Variants in MORN5 observed in about 807,000 individuals in gnomAD.
MORN5 encodes MORN repeat-containing protein 5.
Under a neutral mutation model 22.1 loss-of-function variants are expected in MORN5, and 21 were observed. The ratio of observed to expected loss-of-function variants is 0.95; its 90% confidence interval spans 0.67 to 1.37. MORN5 has a LOEUF of 1.37. Among genes scored for constraint, MORN5 ranks in the 40% most tolerant of loss-of-function variants. The pLI, the probability that MORN5 is intolerant of heterozygous loss-of-function variation, is 0.00. For missense variants in MORN5, 211 were observed against 215.1 expected, an observed-to-expected ratio of 0.98 and a Z score of 0.12; for synonymous variants, 73 against 74.0, an observed-to-expected ratio of 0.99 and a Z score of 0.07.
rs1829977269 is a variant in MORN5 at position 122,199,885 on chromosome 9, A to T, written c.440A>T (p.Asp147Val). The change falls in exon 5 of 5, where the codon GAT becomes GTT. Residue 147 changes from aspartate to valine, a missense_variant and splice_region_variant. Physicochemically the swap from Asp to Val is radical, Grantham distance 152 (BLOSUM62 -3). Coordinates refer to ENST00000373764, the MANE Select transcript of MORN5 (RefSeq NM_198469.4). ...DYRNRFLRNA[D>V]DDEHEWITRT... ...ACCAGCTCTTCCTCTTTCCTTGCAG[A>T]TGATGACGAGCATGAGTGGATCACC... 2 of 1,613,822 alleles carry T rather than the reference A, an allele frequency of 1.2e-6. No individual in the cohort carries two copies. Among genetic ancestry groups the T allele is most frequent in the Admixed American group, 1.7e-5 (1 of 60,006 alleles).
At chr9:122,164,967 C>T (rs1423767406) in intron 1 of MORN5, among the ~76,000 whole-genome samples, 2 of 152,142 alleles carry the variant, frequency 1.3e-5, no homozygotes, top group Non-Finnish European at 2.9e-5. Context: ...GAAGCACCTG[C>T]TTAATGGTTC....
intron 4 of MORN5, chr9:122,175,578 G>T: frequency 2.3e-6 from 2 of 876,014 alleles, no homozygotes; most frequent in Non-Finnish European, 2.7e-6. Context: ...TCCAATGCAT[G>T]CACACACACA....
intron 4 of MORN5, 107 bp downstream of exon 4, chr9:122,174,734 C>A (rs1829422756): frequency 6.3e-7 from 1 of 1,599,394 alleles, no homozygotes. Flanking sequence ...GAAGCTTTTG[C>A]TGATAGAAGA....
intron 4 of MORN5, among the ~76,000 whole-genome samples, chr9:122,199,470 G>A (rs1224780692): frequency 2.0e-5 from 3 of 152,178 alleles, no homozygotes; most frequent in Non-Finnish European, 4.4e-5. Flanking sequence ...CAAGAATGGA[G>A]AGCCTAGAAA....
In MORN5 at chr9:122,169,719, G is replaced by A; in HGVS notation, c.270G>A (p.Arg90=). 1 of 1,614,092 alleles carries A rather than the reference G, an allele frequency of 6.2e-7. No individual in the cohort carries two copies. Among genetic ancestry groups the A allele is most frequent in the Non-Finnish European group, 8.5e-7 (1 of 1,179,960 alleles). The change falls in exon 3 of 5, where the codon AGG becomes AGA. Residue 90 remains arginine, a synonymous_variant. Transcript: ENST00000373764. ...NWHYCDGYDR[R]FYTEILNGLK... is the part of the protein sequence containing the mutation. Reference sequence around the variant, plus strand: ...ATTACTGCGACGGCTATGATCGGAGGTTTTACACAGAGATCCTCAATGGCT... The same window carrying A: ...ATTACTGCGACGGCTATGATCGGAGATTTTACACAGAGATCCTCAATGGCT...
At chr9:122,170,575 A>G (rs1046828785) in intron 3 of MORN5, among the ~76,000 whole-genome samples, 2 of 152,100 alleles carry the variant, frequency 1.3e-5, no homozygotes, top group African/African-American at 4.8e-5. Context: ...CTGTCTCCCT[A>G]ATGTCCAGAT....
chr9:122,167,017 C>A, intron 2 of MORN5, 102 bp downstream of exon 2: 1 of 1,118,402 alleles, frequency 8.9e-7, no homozygotes, highest in Non-Finnish European at 1.2e-6. Context: ...CCACCTTGTT[C>A]CATTCACTCT....
At chr9:122,182,152 G>T (rs745611978) in intron 4 of MORN5, among the ~76,000 whole-genome samples, 34 of 152,208 alleles carry the variant, frequency 2.2e-4, no homozygotes, top group Non-Finnish European at 3.7e-4. Flanking sequence ...CCATCCTGCT[G>T]TCTCTTCTGC....
At chr9:122,184,326 T>G (rs1330908032) in intron 4 of MORN5, among the ~76,000 whole-genome samples, 28 of 152,206 alleles carry the variant, frequency 1.8e-4, no homozygotes. Context: ...CCAGACATGA[T>G]GTTTATCTGC....
At position 122,159,989 on chromosome 9, in the gene MORN5, G is replaced by A. The variant is rs1487372757; in HGVS notation, c.17G>A (p.Ser6Asn). 3 of 1,614,100 alleles carry A rather than the reference G, an allele frequency of 1.9e-6. No homozygotes were observed. Among genetic ancestry groups the A allele is most frequent in the Non-Finnish European group, 1.7e-6 (2 of 1,180,006 alleles). The stretch of plus-strand genomic sequence containing the variant: ...ACAGGCGCCATGGAGTACACAGGGA[G>A]CAAATATATCGGGGAATATGTAGAT... MEYTGSKYIGEYVDGR... is the reference protein window; with the variant it reads MEYTGNKYIGEYVDGR... Residue 6 changes from serine (S) to asparagine (N), a missense_variant, in exon 1 of 5, where the codon AGC becomes AAC. Ser to Asn is a conservative substitution (Grantham distance 46). Transcript: ENST00000373764.
chr9:122,184,316 C>G (rs1032898349), intron 4 of MORN5, among the ~76,000 whole-genome samples: 3 of 152,078 alleles, frequency 2.0e-5, no homozygotes, highest in African/African-American at 7.2e-5. Context: ...TGAAAAGCTC[C>G]CAGACATGAT....
At chr9:122,170,755 C>G (rs1157111119) in intron 3 of MORN5, among the ~76,000 whole-genome samples, 1 of 152,162 alleles carries the variant, frequency 6.6e-6, no homozygotes, top group African/African-American at 2.4e-5. Context: ...TGGAGGGCTA[C>G]ATTTGGACTA....
At position 122,174,833 on chromosome 9, in the gene MORN5, T is replaced by C. The variant is rs7042699; in HGVS notation, c.439+206T>C. On this transcript the variant is annotated intron_variant, in intron 4 of 4. Transcript: ENST00000373764. ...GTCCTAGAGTGAGGTAAAAGCACAT[T>C]CGTGGTCTAGCAGTGACGGCACATA... 1.0e-2 allele frequency: 13,983 copies of C among 1,402,522 alleles called. 1,180 individuals are homozygous for C. The African/African-American group carries it at 0.18, about 18-fold the overall frequency. The allele number at this position is 1,402,522 out of a possible 1,614,324, so 86.9% of individuals were successfully genotyped here.
intron 1 of MORN5, among the ~76,000 whole-genome samples, chr9:122,161,345 A>G (rs898414172): frequency 2.6e-5 from 4 of 152,172 alleles, no homozygotes; most frequent in Non-Finnish European, 4.4e-5. Context: ...CATTACATCA[A>G]TTTTGCAAGG....
chr9:122,187,578 G>C (rs1829663792), intron 4 of MORN5, among the ~76,000 whole-genome samples: 1 of 152,210 alleles, frequency 6.6e-6, no homozygotes. Context: ...CAGGACTGGG[G>C]TGGGTGTTCT....
intron 4 of MORN5, among the ~76,000 whole-genome samples, chr9:122,176,107 GA>G (rs1829447900): frequency 7.5e-6 from 1 of 133,320 alleles, no homozygotes; most frequent in African/African-American, 2.9e-5. Context: ...GACAGAGCAA[GA>G]CTCCGTCTCA....
intron 3 of MORN5, among the ~76,000 whole-genome samples, chr9:122,173,329 C>T (rs749208106): frequency 3.2e-4 from 48 of 152,324 alleles, no homozygotes; most frequent in African/African-American, 1.0e-3. Flanking sequence ...GCGACCTCTT[C>T]GAGCATCTGT....
At chr9:122,164,706 G>A in intron 1 of MORN5, 1 of 846,826 alleles carries the variant, frequency 1.2e-6, no homozygotes, top group South Asian at 5.4e-5. Flanking sequence ...ATATGGAGAT[G>A]GTGCTTAGAA....
chr9:122,178,971 A>T (rs77757421), intron 4 of MORN5, among the ~76,000 whole-genome samples: 98 of 152,346 alleles, frequency 6.4e-4, no homozygotes, highest in African/African-American at 2.2e-3. Context: ...AGATCATAAC[A>T]GCATAGAGTT....
Sources: allele counts gnomAD v4.1 joint callset (sites outside exome capture counted in the v4.1 genomes callset), GRCh38; gene constraint gnomAD v4.1.1; transcripts MANE v1.5; gene names NCBI Gene and HGNC (gene_info 2026-07-23, HGNC 2026-07-21).